CAMK1D: variants seen among roughly 807,000 people sequenced by gnomAD.
The protein encoded by CAMK1D is calcium/calmodulin-dependent protein kinase type 1D.
In CAMK1D, 9 loss-of-function variants were observed where a neutral mutation model predicts 47.7. The ratio of observed to expected loss-of-function variants is 0.19; its 90% CI spans 0.11 to 0.33. CAMK1D has a LOEUF of 0.33. Among genes scored for constraint, CAMK1D ranks in the 10% least tolerant of loss-of-function variants. The probability of loss-of-function intolerance (pLI) is 1.00; values close to 1 mark genes in which losing one functional copy is unlikely to be tolerated. For synonymous variants in CAMK1D, 184 were observed against 184.9 expected, an observed-to-expected ratio of 0.99 and a Z score of 0.04; for missense variants, 291 against 488.7, an observed-to-expected ratio of 0.60 and a Z score of 3.81.
intron 6 of CAMK1D, among the ~76,000 whole-genome samples, chr10:12,804,223 G>A (rs1416863695): frequency 6.6e-6 from 1 of 152,172 alleles, no homozygotes; most frequent in Non-Finnish European, 1.5e-5. Context: ...GGGATGTTCA[G>A]TACAACTTCT....
chr10:12,656,440 C>T lies in CAMK1D; in HGVS notation c.225-10296C>T, dbSNP rs185932673. On this transcript the variant is annotated intron_variant, in intron 2 of 10. Coordinates refer to ENST00000619168, the MANE Select transcript of CAMK1D (RefSeq NM_153498.4). ...CTGGGAGGCAGAGGTTGCAGTGAACCGAAACCACACCACTGCGCTCCAGCC... is the reference window on the plus strand; with the variant it reads ...CTGGGAGGCAGAGGTTGCAGTGAACTGAAACCACACCACTGCGCTCCAGCC... Among the ~76,000 whole-genome samples the T allele has an allele frequency of 4.4e-3, 673 of 152,000 alleles. 3 individuals are homozygous for T. The highest frequency in any genetic ancestry group is 0.01 in the Middle Eastern group (3 of 294).
intron 6 of CAMK1D, among the ~76,000 whole-genome samples, chr10:12,811,403 C>G (rs1325888636): frequency 1.3e-5 from 2 of 152,186 alleles, no homozygotes; most frequent in Non-Finnish European, 2.9e-5. Context: ...AGGGAGCTCT[C>G]TGAAATTTCT....
At chr10:12,506,529 T>G (rs1025820518) in intron 1 of CAMK1D, among the ~76,000 whole-genome samples, 5 of 152,122 alleles carry the variant, frequency 3.3e-5, no homozygotes, top group Non-Finnish European at 7.4e-5. Context: ...TTTCTTTTTT[T>G]TTTGAGACGG....
intron 1 of CAMK1D, among the ~76,000 whole-genome samples, chr10:12,426,126 T>C (rs1840221679): frequency 6.6e-6 from 1 of 152,266 alleles, no homozygotes; most frequent in South Asian, 2.1e-4. Context: ...TTTCATGAGA[T>C]GTCTTTGGGC....
chr10:12,396,019 G>C (rs1838938333), intron 1 of CAMK1D, among the ~76,000 whole-genome samples: 1 of 151,850 alleles, frequency 6.6e-6, no homozygotes. Flanking sequence ...GATTACAGGT[G>C]CCCGCCACCA....
chr10:12,751,377 C>T (rs185519899), intron 3 of CAMK1D, among the ~76,000 whole-genome samples: 6 of 152,278 alleles, frequency 3.9e-5, no homozygotes, highest in Admixed American at 3.3e-4. Context: ...TCTCAGCCTC[C>T]CAAAGTGCTA....
intron 8 of CAMK1D, among the ~76,000 whole-genome samples, chr10:12,823,060 A>G (rs1445282553): frequency 2.6e-5 from 4 of 152,282 alleles, no homozygotes; most frequent in Admixed American, 6.5e-5. Context: ...CCAATTTTAT[A>G]TCGACTCTGT....
intron 3 of CAMK1D, among the ~76,000 whole-genome samples, chr10:12,670,733 G>T (rs1408632569): frequency 3.3e-5 from 5 of 151,998 alleles, no homozygotes; most frequent in Non-Finnish European, 7.4e-5. Context: ...TTTTTTAGTA[G>T]AGATGGGGTT....
chr10:12,499,403 T>A (rs1195720103), intron 1 of CAMK1D, among the ~76,000 whole-genome samples: 4 of 152,180 alleles, frequency 2.6e-5, no homozygotes, highest in Non-Finnish European at 4.4e-5. Flanking sequence ...ATTTCATGAT[T>A]TTCTTACCTT....
At chr10:12,365,997 A>C (rs1837822170) in intron 1 of CAMK1D, among the ~76,000 whole-genome samples, 1 of 152,232 alleles carries the variant, frequency 6.6e-6, no homozygotes, top group Non-Finnish European at 1.5e-5. Flanking sequence ...CGGAGGCTGC[A>C]GTGAGCAGAG....
chr10:12,535,402 T>G (rs964929814), intron 1 of CAMK1D, among the ~76,000 whole-genome samples: 1 of 152,202 alleles, frequency 6.6e-6, no homozygotes, highest in Non-Finnish European at 1.5e-5. Context: ...GGGACTTTAT[T>G]CCCTTCTTCC....
At chr10:12,691,394 TATATATATAA>T (rs1832903676) in intron 3 of CAMK1D, among the ~76,000 whole-genome samples, 5 of 7,334 alleles carry the variant, frequency 6.8e-4, no homozygotes, top group Admixed American at 3.7e-3. Flanking sequence ...TATATATATA[TATATATATAA>T]ATATATATAT....
chr10:12,733,647 G>C (rs1834997955), intron 3 of CAMK1D, among the ~76,000 whole-genome samples: 1 of 152,198 alleles, frequency 6.6e-6, no homozygotes, highest in Non-Finnish European at 1.5e-5. Context: ...GAATTAAAAT[G>C]CCAGCCAGTG....
At chr10:12,401,182 TA>T (rs1839188566) in intron 1 of CAMK1D, among the ~76,000 whole-genome samples, 7 of 47,366 alleles carry the variant, frequency 1.5e-4, no homozygotes, top group African/African-American at 6.3e-4. Flanking sequence ...TTATATATAT[TA>T]TATATATATT....
intron 1 of CAMK1D, among the ~76,000 whole-genome samples, chr10:12,496,206 T>C (rs993030277): frequency 6.6e-6 from 1 of 152,232 alleles, no homozygotes; most frequent in African/African-American, 2.4e-5. Context: ...GTTGCCAATG[T>C]CTTTATGAAG....
At chr10:12,734,483 CACATATGTATATATAT>C (rs1474654022) in intron 3 of CAMK1D, among the ~76,000 whole-genome samples, 4 of 136,648 alleles carry the variant, frequency 2.9e-5, no homozygotes, top group African/African-American at 8.5e-5. Context: ...TGTATATATA[CACATATGTATATATAT>C]ACACACACAC....
At chr10:12,400,052 G>A (rs931597836) in intron 1 of CAMK1D, among the ~76,000 whole-genome samples, 2 of 151,994 alleles carry the variant, frequency 1.3e-5, no homozygotes, top group Non-Finnish European at 2.9e-5. Flanking sequence ...CGGCATTCAC[G>A]GCAACTTCTG....
intron 6 of CAMK1D, among the ~76,000 whole-genome samples, chr10:12,801,183 T>G (rs1838414055): frequency 6.6e-6 from 1 of 152,078 alleles, no homozygotes; most frequent in Non-Finnish European, 1.5e-5. Context: ...CATTTAATGA[T>G]CACTATGTCA....
chr10:12,751,958 G>A (rs1028868939), intron 3 of CAMK1D, among the ~76,000 whole-genome samples: 1 of 152,044 alleles, frequency 6.6e-6, no homozygotes, highest in Admixed American at 6.6e-5. Flanking sequence ...CTCTTTCAAA[G>A]GCATTGTTGG....
Sources: gnomAD v4.1 joint callset for allele counts (sites outside exome capture counted in the v4.1 genomes callset) on GRCh38, gnomAD v4.1.1 for gene constraint, MANE v1.5 for transcripts, NCBI Gene and HGNC (gene_info 2026-07-23, HGNC 2026-07-21) for gene names.